The following DAG1 variants were observed in gnomAD, a reference collection of about 807,000 sequenced individuals.
The protein encoded by DAG1 is dystroglycan 1 (dystrophin-associated glycoprotein 1).
A neutral mutation model predicts 46.1 loss-of-function variants in DAG1; 8 were observed. That is an observed-to-expected ratio of 0.17 (90% CI 0.10 to 0.31). The LOEUF (loss-of-function observed/expected upper bound fraction) is 0.31. Ranked by LOEUF, DAG1 falls within the 10% of genes least tolerant of loss-of-function variation. The pLI, the probability that DAG1 is intolerant of heterozygous loss-of-function variation, is 1.00. For synonymous variants in DAG1, 495 were observed against 481.8 expected (o/e 1.03, Z -0.36); for missense variants, 1,003 against 1,189.9 (o/e 0.84, Z 2.31).
At chr3:49,478,289 A>G (rs2049746625) in intron 1 of DAG1, among the ~76,000 whole-genome samples, 1 of 149,320 alleles carries the variant, frequency 6.7e-6, no homozygotes, top group African/African-American at 2.5e-5. Context: ...AAAAAAAAAA[A>G]GAAAAAAAAG....
intron 1 of DAG1, among the ~76,000 whole-genome samples, chr3:49,474,806 A>G (rs893873811): frequency 2.7e-4 from 36 of 131,996 alleles, no homozygotes; most frequent in Admixed American, 2.0e-3. Flanking sequence ...TAATTAATTA[A>G]TTAGTTTTTT....
intron 1 of DAG1, among the ~76,000 whole-genome samples, chr3:49,477,145 G>A (rs2049702038): frequency 6.6e-6 from 1 of 151,824 alleles, no homozygotes. Context: ...TTACAGGCAT[G>A]TGCCCCCGCG....
chr3:49,522,630 T>C (rs1029558551), intron 2 of DAG1, among the ~76,000 whole-genome samples: 1 of 152,160 alleles, frequency 6.6e-6, no homozygotes, highest in Admixed American at 6.6e-5. Flanking sequence ...TTTGTGGATC[T>C]GCCCAGGTTT....
At chr3:49,521,715 T>G (rs1034249849) in intron 2 of DAG1, among the ~76,000 whole-genome samples, 1 of 152,140 alleles carries the variant, frequency 6.6e-6, no homozygotes, top group Non-Finnish European at 1.5e-5. Context: ...TGTTTGATGG[T>G]CTATTGTGTG....
rs1404065812 is a variant in DAG1, at chr3:49,532,429, C to G, written c.1918C>G (p.Arg640Gly). 5.0e-6 allele frequency: 8 copies of G among 1,614,192 alleles called. No homozygotes were observed. Among genetic ancestry groups the G allele is most frequent in the Non-Finnish European group, 6.8e-6 (8 of 1,180,030 alleles). The change falls in exon 3 of 3, where the codon CGA becomes GGA. Residue 640 changes from arginine to glycine, a missense_variant. Coordinates refer to ENST00000308775, the MANE Select transcript of DAG1 (RefSeq NM_004393.6). The surrounding 1 kb of genome is among the most constrained non-coding windows in gnomAD (Gnocchi z 5.4). ...GAAACTGGCCTTCGCCTTTGGAGACCGAAACTGTAGCACCATCACCCTGCA... is the reference window on the plus strand; with the variant it reads ...GAAACTGGCCTTCGCCTTTGGAGACGGAAACTGTAGCACCATCACCCTGCA... ...VKKLAFAFGDRNCSTITLQNI... is the reference protein window; with the variant it reads ...VKKLAFAFGDGNCSTITLQNI...
chr3:49,529,691 G>C (rs1431286384), intron 2 of DAG1, among the ~76,000 whole-genome samples: 1 of 152,242 alleles, frequency 6.6e-6, no homozygotes, highest in Non-Finnish European at 1.5e-5. Flanking sequence ...CAATGGAGAT[G>C]AGAGTGCCTT....
intron 1 of DAG1, among the ~76,000 whole-genome samples, chr3:49,509,861 T>TGGGATTA (rs2107639348): frequency 6.6e-6 from 1 of 152,216 alleles, no homozygotes; most frequent in East Asian, 1.9e-4. Flanking sequence ...CCTCAGTAGC[T>TGGGATTA]GGGATTACAG....
chr3:49,516,406 C>T (rs2050897828), intron 2 of DAG1, among the ~76,000 whole-genome samples: 1 of 152,224 alleles, frequency 6.6e-6, no homozygotes, highest in Non-Finnish European at 1.5e-5. Context: ...AGTTCACCTG[C>T]TGCCCCACAG....
intron 1 of DAG1, among the ~76,000 whole-genome samples, chr3:49,491,843 T>C (rs2050195839): frequency 6.6e-6 from 1 of 152,110 alleles, no homozygotes; most frequent in Non-Finnish European, 1.5e-5. Context: ...GGTCTCAAAC[T>C]CCTGACCTCA....
intron 1 of DAG1, among the ~76,000 whole-genome samples, chr3:49,477,757 T>C (rs1291401691): frequency 6.6e-6 from 1 of 150,726 alleles, no homozygotes; most frequent in Non-Finnish European, 1.5e-5. Context: ...AGGTCAGGAG[T>C]CTGAGACCAG....
At chr3:49,493,053 T>TTA (rs2050228730) in intron 1 of DAG1, 1 of 143,094 alleles carries the variant, frequency 7.0e-6, no homozygotes, top group East Asian at 2.0e-4. Context: ...TTTTTTTTTT[T>TTA]TTTTTTGAGA....
In DAG1 at chr3:49,485,636, G is replaced by A. The variant is rs1391672902; in HGVS notation, c.-117+15203G>A. On this transcript the variant is annotated intron_variant, in intron 1 of 2. Coordinates refer to ENST00000308775, the MANE Select transcript of DAG1 (RefSeq NM_004393.6). ...TGCTTAGACCTAATGTGGTAGATCAGGTTTTGTTTTTGTTTTCTTTCTTTT... is the reference window on the plus strand; with the variant it reads ...TGCTTAGACCTAATGTGGTAGATCAAGTTTTGTTTTTGTTTTCTTTCTTTT... Among the ~76,000 whole-genome samples, 4 of 148,482 alleles carry A rather than the reference G, an allele frequency of 2.7e-5. No homozygotes were observed. The Admixed American group carries it at 2.8e-4, about 10-fold the overall frequency.
chr3:49,504,899 CTG>C (rs1248535901), intron 1 of DAG1, among the ~76,000 whole-genome samples: 1 of 148,932 alleles, frequency 6.7e-6, no homozygotes, highest in Non-Finnish European at 1.5e-5. Flanking sequence ...GTGTGAGCCA[CTG>C]TGCCCAGCTG....
chr3:49,509,489 A>C (rs531555798), intron 1 of DAG1, among the ~76,000 whole-genome samples: 44 of 152,274 alleles, frequency 2.9e-4, no homozygotes, highest in African/African-American at 9.9e-4. Context: ...CAGTCATCTT[A>C]TGTTTAGGGA....
intron 2 of DAG1, among the ~76,000 whole-genome samples, chr3:49,521,461 G>A (rs1575399518): frequency 6.6e-6 from 1 of 152,036 alleles, no homozygotes; most frequent in Admixed American, 6.5e-5. Context: ...CACTGCGCCC[G>A]GCCGTCTTTG....
intron 1 of DAG1, among the ~76,000 whole-genome samples, chr3:49,485,657 C>CTTTTTT (rs749730213): frequency 1.2e-5 from 1 of 82,108 alleles, no homozygotes; most frequent in African/African-American, 4.6e-5. Flanking sequence ...TGTTTTCTTT[C>CTTTTTT]TTTTTTTTTT....
At chr3:49,503,557 C>A (rs928008606) in intron 1 of DAG1, among the ~76,000 whole-genome samples, 3 of 152,044 alleles carry the variant, frequency 2.0e-5, no homozygotes, top group African/African-American at 7.2e-5. Context: ...ATTGGCCAGG[C>A]CTGGTGGCGC....
At chr3:49,479,312 A>ATT (rs35759587) in intron 1 of DAG1, among the ~76,000 whole-genome samples, 60 of 142,556 alleles carry the variant, frequency 4.2e-4, no homozygotes, top group Admixed American at 1.7e-3. Flanking sequence ...TTGAGTATAG[A>ATT]TTTTTTTTTT....
Position 49,531,459 on chromosome 3 carries a change from T to C in DAG1, c.948T>C (p.Ala316=), listed in dbSNP as rs749290333. The C allele has an allele frequency of 6.2e-7, 1 of 1,613,808 alleles. No individual in the cohort carries two copies. Among genetic ancestry groups the C allele is most frequent in the Admixed American group, 1.7e-5 (1 of 60,002 alleles). ...LPKRVRRQIH[A]TPTPVTAIGP... ...AACGCGTCCGGAGGCAGATCCATGC[T>C]ACACCCACACCTGTCACTGCCATTG... Residue 316 remains alanine (A), a synonymous_variant, in exon 3 of 3, where the codon GCT becomes GCC. Transcript: ENST00000308775. This position sits in a 1 kb window ranked among gnomAD's most constrained non-coding sequence, Gnocchi z 7.0.
Sources: allele counts gnomAD v4.1 joint callset (sites outside exome capture counted in the v4.1 genomes callset), GRCh38; gene constraint gnomAD v4.1.1; non-coding constraint Gnocchi (gnomAD v3.1); transcripts MANE v1.5; gene names NCBI Gene and HGNC (gene_info 2026-07-23, HGNC 2026-07-21).